The following STK31 variants were observed in gnomAD, a reference collection of about 807,000 sequenced individuals.
STK31 encodes the protein serine/threonine kinase 31, also known as serine/threonine-protein kinase 31.
In STK31, 89 loss-of-function variants were observed where a neutral mutation model predicts 129.7. The observed-to-expected ratio is 0.69, with a 90% CI of 0.58 to 0.82. The LOEUF (loss-of-function observed/expected upper bound fraction) is 0.82. Among genes scored for constraint, STK31 ranks in the 40% least tolerant of loss-of-function variants. The pLI is 0.00. For synonymous variants in STK31, 448 were observed against 395.3 expected, an observed-to-expected ratio of 1.13 and a Z score of -1.58; for missense variants, 1,187 against 1,176.4, an observed-to-expected ratio of 1.01 and a Z score of -0.13.
intron 15 of STK31, among the ~76,000 whole-genome samples, chr7:23,778,527 G>T (rs920714283): frequency 2.6e-5 from 4 of 151,744 alleles, no homozygotes; most frequent in Admixed American, 2.6e-4. Context: ...TCAAGGCTTT[G>T]TTCTTTTTCA....
rs532435020 is a variant in STK31, at chr7:23,820,109, T to C, written c.2829+4897T>C. ...TGTTTTTGAGAGATTTCAGCTATGA[T>C]TTTTTTCCTTTTACACTTTTTCCCC... On this transcript the variant is annotated intron_variant, in intron 23 of 23. Coordinates refer to ENST00000355870, the MANE Select transcript of STK31 (RefSeq NM_031414.5). 4.6e-5 allele frequency among the ~76,000 whole-genome samples: 7 copies of C among 152,324 alleles called. No individual in the cohort carries two copies. In the East Asian group the frequency reaches 1.2e-3, roughly 25 times the overall value.
At chr7:23,765,277 C>A (rs1409081924) in intron 11 of STK31, among the ~76,000 whole-genome samples, 1 of 152,104 alleles carries the variant, frequency 6.6e-6, no homozygotes, top group Non-Finnish European at 1.5e-5. Flanking sequence ...TGGGCTCGAA[C>A]TCCTGAGCTC....
Position 23,752,762 on chromosome 7 carries a change from A to T in STK31, c.1063A>T (p.Thr355Ser). The T allele has an allele frequency of 6.2e-7, 1 of 1,613,792 alleles. No homozygotes were observed. Among genetic ancestry groups the T allele is most frequent in the Non-Finnish European group, 8.5e-7 (1 of 1,179,896 alleles). The change falls in exon 9 of 24, where the codon ACT becomes TCT. Residue 355 changes from threonine (T) to serine (S), a missense_variant. Transcript: ENST00000355870. Reference protein sequence around the residue: ...AVDLTNHLEYTLKTYIDTRMK... With the variant: ...AVDLTNHLEYSLKTYIDTRMK... ...GGATTTGACTAACCACTTAGAATAC[A>T]CTCTGAAGACCTATATAGATACCAG...
At chr7:23,824,536 A>G (rs558019897) in intron 23 of STK31, among the ~76,000 whole-genome samples, 32 of 152,242 alleles carry the variant, frequency 2.1e-4, no homozygotes, top group South Asian at 1.4e-3. Context: ...CAATCATGTC[A>G]TCTGCAAACA....
intron 4 of STK31, 70 bp from the exon 5 acceptor site, chr7:23,727,171 C>A: frequency 2.3e-6 from 3 of 1,279,894 alleles, no homozygotes; most frequent in Non-Finnish European, 3.4e-6. Flanking sequence ...AGCTTAAATG[C>A]TAACCTTTAT....
intron 17 of STK31, among the ~76,000 whole-genome samples, 171 bp downstream of exon 17, chr7:23,783,834 A>G (rs1791088085): frequency 6.6e-6 from 1 of 152,110 alleles, no homozygotes; most frequent in Non-Finnish European, 1.5e-5. Context: ...GTTGCATGGT[A>G]TATATTTGTA....
At chr7:23,823,245 A>T (rs201625557) in intron 23 of STK31, among the ~76,000 whole-genome samples, 1 of 151,946 alleles carries the variant, frequency 6.6e-6, no homozygotes. Context: ...TCTCCACATC[A>T]TCTCCAGCAC....
intron 22 of STK31, among the ~76,000 whole-genome samples, chr7:23,793,186 A>C (rs1791746491): frequency 6.6e-6 from 1 of 152,222 alleles, no homozygotes. Context: ...ATACAGGCCA[A>C]CTCATACCAT....
At chr7:23,825,705 A>G (rs1263041639) in intron 23 of STK31, among the ~76,000 whole-genome samples, 1 of 152,072 alleles carries the variant, frequency 6.6e-6, no homozygotes, top group East Asian at 1.9e-4. Flanking sequence ...TGTCAATTTT[A>G]GATCTTTCCT....
In STK31 at chr7:23,772,196, A is replaced by C; in HGVS notation, c.1883A>C (p.His628Pro). ...TTAAATAAGAGTCCCAGTGTGGATC[A>C]CTTGCTATCCATTAAGAAGACATTG... ...EYLNKSPSVD[H>P]LLSIKKTLKS... Residue 628 changes from histidine to proline, a missense_variant, in exon 15 of 24, where the codon CAC becomes CCC. By Grantham distance (77) the His-to-Pro change is moderately conservative. Transcript: ENST00000355870. 1 of 1,603,120 alleles carries C rather than the reference A, an allele frequency of 6.2e-7. No individual in the cohort carries two copies. Among genetic ancestry groups the C allele is most frequent in the East Asian group, 2.3e-5 (1 of 44,362 alleles).
intron 15 of STK31, among the ~76,000 whole-genome samples, chr7:23,773,974 T>G (rs1056941447): frequency 6.0e-5 from 9 of 150,718 alleles, no homozygotes; most frequent in African/African-American, 2.0e-4. Context: ...ATGGTCCCCT[T>G]CCTGTGTTCA....
chr7:23,718,428 A>G (rs773788556), intron 4 of STK31, among the ~76,000 whole-genome samples: 17 of 152,118 alleles, frequency 1.1e-4, no homozygotes, highest in Admixed American at 2.6e-4. Context: ...GTATGTATCC[A>G]TGTAACCACC....
Position 23,762,824 on chromosome 7 carries a change from C to A in STK31, c.1317C>A (p.Ala439=). The A allele has an allele frequency of 6.2e-7, 1 of 1,605,932 alleles. No individual in the cohort carries two copies. ...AGAGTGAAGGGAATATTTTGATTGC[C>A]CAAAGAAATGAAATGCAGCAGAAGC... ...EYVSEGNILI[A]QRNEMQQKLY... Residue 439 remains alanine, a synonymous_variant, in exon 11 of 24, where the codon GCC becomes GCA. Transcript: ENST00000355870.
chr7:23,766,941 G>A (rs188283103), intron 11 of STK31, among the ~76,000 whole-genome samples: 1 of 152,240 alleles, frequency 6.6e-6, no homozygotes, highest in Non-Finnish European at 1.5e-5. Context: ...TGTCTTTTTG[G>A]AGGGATCCTT....
In STK31 at chr7:23,729,635, C is replaced by A. The variant is rs1787284516; in HGVS notation, c.483+386C>A. 3.3e-5 allele frequency among the ~76,000 whole-genome samples: 5 copies of A among 151,732 alleles called. No homozygotes were observed. The South Asian group carries it at 1.0e-3, about 32-fold the overall frequency. ...AAGCAATTCTTCTGCCTCAGCCTCC[C>A]GAATAGCTGGATTACAGGCCTGTGC... On this transcript the variant is annotated intron_variant, in intron 6 of 23. Coordinates refer to ENST00000355870, the MANE Select transcript of STK31 (RefSeq NM_031414.5).
intron 17 of STK31, 107 bp downstream of exon 17, chr7:23,783,770 A>T: frequency 2.5e-6 from 2 of 814,686 alleles, no homozygotes; most frequent in Non-Finnish European, 3.7e-6. Flanking sequence ...AAATAAAAAT[A>T]CTCCTGATGA....
At position 23,787,746 on chromosome 7, in the gene STK31, AC is replaced by A. The variant is rs1325352070; in HGVS notation, c.2488-233del. 1.4e-4 allele frequency among the ~76,000 whole-genome samples: 3 copies of A among 22,204 alleles called. No individual in the cohort carries two copies. The East Asian group carries it at 3.1e-3, about 23-fold the overall frequency. 14.6% of individuals were successfully genotyped at this position (22,204 alleles called of 152,430 possible). A position where few individuals can be genotyped will look rare whatever the true frequency, so the allele number is the denominator to read the frequency against. The stretch of plus-strand genomic sequence containing the variant: ...GTGCCCAAAAGGTATGATTGTACAC[AC>A]ACACACACACACACACACACACACA... On this transcript the variant is annotated intron_variant, in intron 20 of 23. Coordinates refer to ENST00000355870, the MANE Select transcript of STK31 (RefSeq NM_031414.5).
chr7:23,770,914 C>T (rs1790144049), intron 13 of STK31, 91 bp from the exon 14 acceptor site: 1 of 1,305,908 alleles, frequency 7.7e-7, no homozygotes. Flanking sequence ...CTGTTAAAGG[C>T]ATAATTTTGA....
chr7:23,829,360 T>C (rs373062282), intron 23 of STK31, among the ~76,000 whole-genome samples: 2 of 152,342 alleles, frequency 1.3e-5, no homozygotes, highest in East Asian at 1.9e-4. Context: ...TGAAATACTT[T>C]TTCTGTGTCT....
Sources: allele counts gnomAD v4.1 joint callset (sites outside exome capture counted in the v4.1 genomes callset), GRCh38; gene constraint gnomAD v4.1.1; transcripts MANE v1.5; gene names NCBI Gene and HGNC (gene_info 2026-07-23, HGNC 2026-07-21).